Variants in WDR88 observed in about 807,000 individuals in gnomAD.
WDR88 encodes the protein WD repeat domain 88, also known as WD repeat-containing protein 88.
WDR88 carries 40 observed loss-of-function variants against 46.8 expected under a neutral mutation model. That is an observed-to-expected ratio of 0.86 (90% CI 0.66 to 1.11). The LOEUF (loss-of-function observed/expected upper bound fraction) is 1.11. Among genes scored for constraint, WDR88 ranks in the 50% most tolerant of loss-of-function variants. The pLI is 0.00. For missense variants in WDR88, 562 were observed against 602.4 expected (o/e 0.93, Z 0.70); for synonymous variants, 235 against 240.7 (o/e 0.98, Z 0.22).
intron 10 of WDR88, among the ~76,000 whole-genome samples, chr19:33,173,363 T>C (rs899562618): frequency 4.0e-4 from 61 of 152,306 alleles, no homozygotes; most frequent in Non-Finnish European, 2.4e-4. Context: ...GCTTCTCTAG[T>C]GCAAGAGCTT....
At chr19:33,162,467 C>T (rs1335828631) in intron 8 of WDR88, among the ~76,000 whole-genome samples, 1 of 151,890 alleles carries the variant, frequency 6.6e-6, no homozygotes, top group Non-Finnish European at 1.5e-5. Flanking sequence ...TCCGCCTCGG[C>T]CTCCCAAAGT....
chr19:33,163,316 G>C (rs1214909559), intron 8 of WDR88, among the ~76,000 whole-genome samples: 3 of 149,568 alleles, frequency 2.0e-5, no homozygotes, highest in East Asian at 2.0e-4. Context: ...CTGGGTGACA[G>C]AGCGAGACTC....
At chr19:33,134,885 C>T (rs1973225884) in intron 1 of WDR88, among the ~76,000 whole-genome samples, 1 of 148,504 alleles carries the variant, frequency 6.7e-6, no homozygotes, top group African/African-American at 2.5e-5. Flanking sequence ...AGGCCACCGC[C>T]GCCCTGAACC....
Position 33,133,484 on chromosome 19 carries a change from G to C in WDR88, c.276+1039G>C, listed in dbSNP as rs1049828779. The stretch of plus-strand genomic sequence containing the variant: ...GATCATTTGAACCCGGGAGGCAGAG[G>C]TTGCAGTGAGCTGAGATCATCTCAC... On this transcript the variant is annotated intron_variant, in intron 1 of 10. Transcript: ENST00000355868. Among the ~76,000 whole-genome samples the C allele has an allele frequency of 5.7e-4, 87 of 152,116 alleles. 4 individuals are homozygous for C. Among genetic ancestry groups the C allele is most frequent in the Non-Finnish European group, 5.9e-5 (4 of 68,026 alleles).
In WDR88 at chr19:33,175,619, G is replaced by A; in HGVS notation, c.*47G>A. On this transcript the variant is annotated 3_prime_UTR_variant, in exon 11 of 11. Transcript: ENST00000355868. ...GACTCCAGCACAGGCTACCTAGCAT[G>A]TAGGTTTCGGGGCTTTGCAGGGGCT... The A allele has an allele frequency of 6.2e-7, 1 of 1,608,670 alleles. No individual in the cohort carries two copies. Among genetic ancestry groups the A allele is most frequent in the Non-Finnish European group, 8.5e-7 (1 of 1,176,958 alleles).
Position 33,143,675 on chromosome 19 carries a change from T to C in WDR88, c.388-1169T>C, listed in dbSNP as rs183099560. On this transcript the variant is annotated intron_variant, in intron 2 of 10. Transcript: ENST00000355868. ...AAAAAAAAAAAAGTTTGGTAGTTTT[T>C]CTCATATTATTACAAAGGTAATATG... Among the ~76,000 whole-genome samples the C allele has an allele frequency of 3.0e-3, 457 of 151,850 alleles. 5 individuals are homozygous for C. The highest frequency in any genetic ancestry group is 4.3e-3 in the Non-Finnish European group (295 of 67,970).
At chr19:33,173,646 G>A (rs1267640046) in intron 10 of WDR88, among the ~76,000 whole-genome samples, 2 of 152,240 alleles carry the variant, frequency 1.3e-5, no homozygotes, top group East Asian at 1.9e-4. Flanking sequence ...TGTGTGAGGG[G>A]TGGGACTCAC....
chr19:33,146,737 T>G (rs1216277233), intron 3 of WDR88, among the ~76,000 whole-genome samples: 3 of 152,050 alleles, frequency 2.0e-5, no homozygotes, highest in Non-Finnish European at 4.4e-5. Context: ...AGGCTGGTCT[T>G]GAACTCCTGA....
chr19:33,143,014 C>T (rs1186212297), intron 2 of WDR88, among the ~76,000 whole-genome samples: 1 of 151,580 alleles, frequency 6.6e-6, no homozygotes, highest in Non-Finnish European at 1.5e-5. Flanking sequence ...TCAGTCACCC[C>T]AGAGGATTAA....
chr19:33,154,663 C>T (rs1231670403), intron 6 of WDR88, among the ~76,000 whole-genome samples: 1 of 152,180 alleles, frequency 6.6e-6, no homozygotes, highest in African/African-American at 2.4e-5. Flanking sequence ...CTGCAATAAA[C>T]ATACGTGTGC....
chr19:33,160,275 TG>T, intron 7 of WDR88, 138 bp from the exon 8 acceptor site: 1 of 841,372 alleles, frequency 1.2e-6, no homozygotes, highest in Admixed American at 2.2e-5. Context: ...CTTGGGGTCG[TG>T]GAGCCACTCC....
chr19:33,154,739 A>G (rs541724185), intron 6 of WDR88, among the ~76,000 whole-genome samples: 2 of 152,312 alleles, frequency 1.3e-5, no homozygotes, highest in East Asian at 1.9e-4. Context: ...CCTCAATGAC[A>G]GTGTCTGGCT....
chr19:33,132,156 G>T lies in WDR88; in HGVS notation c.-14G>T. 1 of 1,575,634 alleles carries T rather than the reference G, an allele frequency of 6.3e-7. No individual in the cohort carries two copies. On this transcript the variant is annotated 5_prime_UTR_variant, in exon 1 of 11. Transcript: ENST00000355868. ...CCAGGCTTGTCGGCGGCCACCGGCG[G>T]ACCGGGCTTCGAGATGGCCTCCCCG...
chr19:33,143,969 C>T (rs931852547), intron 2 of WDR88, among the ~76,000 whole-genome samples: 1 of 152,092 alleles, frequency 6.6e-6, no homozygotes, highest in African/African-American at 2.4e-5. Context: ...CCAGTATTTC[C>T]CCTTTAAATT....
rs112724972 is a variant in WDR88 at position 33,148,798 on chromosome 19, C to T, written c.567C>T (p.Ile189=). Reference sequence around the variant, plus strand: ...GGAAGGTCAGGTATGATACCTTCATCGTCTCCTGTAAGTTTTCTCCTGATG... The same window carrying T: ...GGAAGGTCAGGTATGATACCTTCATTGTCTCCTGTAAGTTTTCTCCTGATG... ...LLWKVRYDTF[I]VSCKFSPDGK... is the part of the protein sequence containing the mutation. Residue 189 remains isoleucine (I), a synonymous_variant, in exon 5 of 11, where the codon ATC becomes ATT. Coordinates refer to ENST00000355868, the MANE Select transcript of WDR88 (RefSeq NM_173479.4). 6.8e-5 allele frequency: 110 copies of T among 1,614,074 alleles called. No individual in the cohort carries two copies. The highest frequency in any genetic ancestry group is 2.5e-4 in the African/African-American group (19 of 75,024).
At chr19:33,150,779 T>G (rs1391480484) in intron 5 of WDR88, among the ~76,000 whole-genome samples, 1 of 152,154 alleles carries the variant, frequency 6.6e-6, no homozygotes, top group East Asian at 1.9e-4. Flanking sequence ...CCCAGGCCTT[T>G]GCAAGCACTG....
intron 7 of WDR88, among the ~76,000 whole-genome samples, chr19:33,157,922 CTGAT>C (rs1973793531): frequency 6.6e-6 from 1 of 151,572 alleles, no homozygotes; most frequent in Non-Finnish European, 1.5e-5. Flanking sequence ...ACGAAAGCCT[CTGAT>C]TGGCCAGGTC....
chr19:33,149,007 C>T, intron 5 of WDR88, 97 bp downstream of exon 5: 1 of 1,552,710 alleles, frequency 6.4e-7, no homozygotes, highest in Admixed American at 1.8e-5. Flanking sequence ...TTTGGTGAAA[C>T]TGTAATGGTA....
chr19:33,175,283 A>C, intron 10 of WDR88, 113 bp from the exon 11 acceptor site: 1 of 1,126,826 alleles, frequency 8.9e-7, no homozygotes, highest in Middle Eastern at 2.1e-4. Flanking sequence ...GATTCCAGAG[A>C]GGGGAACCCT....
Sources: gnomAD v4.1 joint callset for allele counts (sites outside exome capture counted in the v4.1 genomes callset) on GRCh38, gnomAD v4.1.1 for gene constraint, MANE v1.5 for transcripts, NCBI Gene and HGNC (gene_info 2026-07-23, HGNC 2026-07-21) for gene names.